Variants in SNN observed in about 807,000 individuals in gnomAD.
The protein encoded by SNN is stannin, also known as AG8_1.
Under a neutral mutation model 5.3 loss-of-function variants are expected in SNN, and 5 were observed. The ratio of observed to expected loss-of-function variants is 0.94; its 90% confidence interval spans 0.49 to 1.97. The LOEUF (loss-of-function observed/expected upper bound fraction) is 1.97, where lower values mean the gene tolerates loss of function less well. Among genes scored for constraint, SNN ranks in the 30% most tolerant of loss-of-function variants. The pLI, the probability that SNN is intolerant of heterozygous loss-of-function variation, is 0.01. For missense variants in SNN, 127 were observed against 121.6 expected, an observed-to-expected ratio of 1.04 and a Z score of -0.21; for synonymous variants, 67 against 52.1, an observed-to-expected ratio of 1.29 and a Z score of -1.24.
Position 11,671,913 on chromosome 16 carries a change from C to G in SNN, c.-86+3373C>G, listed in dbSNP as rs370258312. On this transcript the variant is annotated intron_variant, in intron 1 of 1. Transcript: ENST00000329565. The surrounding 1 kb of genome is among the most constrained non-coding windows in gnomAD (Gnocchi z 4.7). ...TGCCAGCAAGCATGGAGCCAGCTGC[C>G]CTTCCATGGGCTCAGGCCTGCCCTA... Among the ~76,000 whole-genome samples the G allele has an allele frequency of 6.6e-6, 1 of 152,200 alleles. No homozygotes were observed. The highest frequency in any genetic ancestry group is 2.4e-5 in the African/African-American group (1 of 41,460).
At chr16:11,673,513 G>A (rs909141554) in intron 1 of SNN, among the ~76,000 whole-genome samples, 2 of 152,218 alleles carry the variant, frequency 1.3e-5, no homozygotes, top group African/African-American at 4.8e-5. Flanking sequence ...GGCCATCTGC[G>A]TGGTGGGGGC....
rs2050263086 is a variant in SNN, at chr16:11,671,050, G to C, written c.-86+2510G>C. 6.6e-6 allele frequency among the ~76,000 whole-genome samples: 1 copy of C among 152,262 alleles called. No homozygotes were observed. The highest frequency in any genetic ancestry group is 2.4e-5 in the African/African-American group (1 of 41,470). ...GGCTGCTGGGGAGGAGTGGCCAAGG[G>C]CGGTGCAGGCCCCCGCTCACCTGGC... On this transcript the variant is annotated intron_variant, in intron 1 of 1. Transcript: ENST00000329565. This position sits in a 1 kb window ranked among gnomAD's most constrained non-coding sequence, Gnocchi z 4.7.
At chr16:11,675,417 G>A (rs2050294522) in intron 1 of SNN, among the ~76,000 whole-genome samples, 1 of 151,942 alleles carries the variant, frequency 6.6e-6, no homozygotes, top group Non-Finnish European at 1.5e-5. Context: ...ACACGCATGT[G>A]CCACCATGCC....
Position 11,672,915 on chromosome 16 carries a change from C to T in SNN, c.-85-3060C>T, listed in dbSNP as rs2050275294. On this transcript the variant is annotated intron_variant, in intron 1 of 1. Transcript: ENST00000329565. This position sits in a 1 kb window ranked among gnomAD's most constrained non-coding sequence, Gnocchi z 6.0. ...GCCCACCTGGCTTTGCCCCGCCTAT[C>T]CCAGGTCCTGGTGCCATTGTTTGAT... Among the ~76,000 whole-genome samples, 1 of 152,180 alleles carries T rather than the reference C, an allele frequency of 6.6e-6. No individual in the cohort carries two copies. The highest frequency in any genetic ancestry group is 1.5e-5 in the Non-Finnish European group (1 of 68,030).
chr16:11,676,082 C>A lies in SNN; in HGVS notation c.23C>A (p.Pro8His). 2 of 1,610,030 alleles carry A rather than the reference C, an allele frequency of 1.2e-6. No individual in the cohort carries two copies. The highest frequency in any genetic ancestry group is 1.1e-5 in the South Asian group (1 of 90,784). The change falls in exon 2 of 2, where the codon CCC becomes CAC. Residue 8 changes from proline to histidine, a missense_variant. By Grantham distance (77) the Pro-to-His change is moderately conservative (BLOSUM62 -2). Coordinates refer to ENST00000329565, the MANE Select transcript of SNN (RefSeq NM_003498.6). ...ACCATGTCTATTATGGACCACAGCC[C>A]CACCACGGGCGTGGTCACAGTCATC... is the stretch of plus-strand genomic sequence containing the variant. Reference protein sequence around the residue: MSIMDHSPTTGVVTVIVI... With the variant: MSIMDHSHTTGVVTVIVI...
rs1346607998 is a variant in SNN at position 11,679,039 on chromosome 16, G to C, written c.*2713G>C. ...CCAAGTTTGTGCAATAAGTGGAAGG[G>C]ATGTCATCCTTCTTCAATAAATGCT... is the stretch of plus-strand genomic sequence containing the variant. On this transcript the variant is annotated 3_prime_UTR_variant, in exon 2 of 2. Transcript: ENST00000329565. This position sits in a 1 kb window ranked among gnomAD's most constrained non-coding sequence, Gnocchi z 4.6. 4 of 781,130 alleles carry C rather than the reference G, an allele frequency of 5.1e-6. No homozygotes were observed. The Admixed American group carries it at 1.2e-4, about 23-fold the overall frequency. The allele number at this position is 781,130 out of a possible 1,614,324, so 48.4% of individuals were successfully genotyped here.
In SNN at chr16:11,676,724, G is replaced by A. The variant is rs1490718668; in HGVS notation, c.*398G>A. ...CTGATTTTTAAAAATATCATCTAGC[G>A]CACACGGGACTGGTATTCTGGCTGT... On this transcript the variant is annotated 3_prime_UTR_variant, in exon 2 of 2. Coordinates refer to ENST00000329565, the MANE Select transcript of SNN (RefSeq NM_003498.6). 9.5e-6 allele frequency: 2 copies of A among 209,882 alleles called. No homozygotes were observed. Among genetic ancestry groups the A allele is most frequent in the East Asian group, 1.2e-4 (1 of 8,494 alleles). The allele number at this position is 209,882 out of a possible 1,614,324, so 13.0% of individuals were successfully genotyped here.
In SNN at chr16:11,677,904, C is replaced by A. The variant is rs1191619027; in HGVS notation, c.*1578C>A. On this transcript the variant is annotated 3_prime_UTR_variant, in exon 2 of 2. Coordinates refer to ENST00000329565, the MANE Select transcript of SNN (RefSeq NM_003498.6). This position sits in a 1 kb window ranked among gnomAD's most constrained non-coding sequence, Gnocchi z 4.2. The stretch of plus-strand genomic sequence containing the variant: ...CTAAAAACCATGTTGAATGAATCCA[C>A]GTTCTGGAACCCCGAGGCGGGAGAA... The A allele has an allele frequency of 6.0e-6, 1 of 167,164 alleles. No homozygotes were observed. Among genetic ancestry groups the A allele is most frequent in the Non-Finnish European group, 1.5e-5 (1 of 68,174 alleles). The allele number at this position is 167,164 out of a possible 1,614,324, so 10.4% of individuals were successfully genotyped here.
At position 11,676,693 on chromosome 16, in the gene SNN, C is replaced by T. The variant is rs1182327619; in HGVS notation, c.*367C>T. ...GCCCCTGGAAGCACGTGCTTAAGCC[C>T]TTTTGCTGATTTTTAAAAATATCAT... On this transcript the variant is annotated 3_prime_UTR_variant, in exon 2 of 2. Transcript: ENST00000329565. 7 of 243,798 alleles carry T rather than the reference C, an allele frequency of 2.9e-5. No individual in the cohort carries two copies. The highest frequency in any genetic ancestry group is 1.5e-4 in the African/African-American group (7 of 45,250). 15.1% of individuals were successfully genotyped at this position (243,798 alleles called of 1,614,324 possible).
intron 1 of SNN, among the ~76,000 whole-genome samples, chr16:11,669,077 G>C (rs1407324022): frequency 6.6e-6 from 1 of 152,160 alleles, no homozygotes; most frequent in South Asian, 2.1e-4. Context: ...CGCCTCCGTC[G>C]GGCCGATTCG....
Position 11,671,642 on chromosome 16 carries a change from C to T in SNN, c.-86+3102C>T, listed in dbSNP as rs1165858215. Among the ~76,000 whole-genome samples the T allele has an allele frequency of 1.3e-5, 2 of 152,160 alleles. No homozygotes were observed. Among genetic ancestry groups the T allele is most frequent in the African/African-American group, 4.8e-5 (2 of 41,428 alleles). On this transcript the variant is annotated intron_variant, in intron 1 of 1. Coordinates refer to ENST00000329565, the MANE Select transcript of SNN (RefSeq NM_003498.6). This position sits in a 1 kb window ranked among gnomAD's most constrained non-coding sequence, Gnocchi z 4.7. ...TGGTTGTTGGGTGGGCCAGGATTCC[C>T]ATGTGCCAGCCTGGGCATCTCCCCA...
intron 1 of SNN, among the ~76,000 whole-genome samples, chr16:11,673,170 G>A (rs2050276917): frequency 6.6e-6 from 1 of 152,128 alleles, no homozygotes; most frequent in Non-Finnish European, 1.5e-5. Flanking sequence ...AGTGTAGACA[G>A]GCTCACCCAG....
In SNN at chr16:11,678,954, G is replaced by A. The variant is rs903564361; in HGVS notation, c.*2628G>A. The A allele has an allele frequency of 1.9e-6, 1 of 518,882 alleles. No individual in the cohort carries two copies. The highest frequency in any genetic ancestry group is 3.7e-5 in the East Asian group (1 of 26,840). 32.1% of individuals were successfully genotyped at this position (518,882 alleles called of 1,614,324 possible). A position where few individuals can be genotyped will look rare whatever the true frequency, so the allele number is the denominator to read the frequency against. ...TCTTGACACTGAGCCACTAAAATAT[G>A]GACTAATTTTTTGGACAAATCTTCA... On this transcript the variant is annotated 3_prime_UTR_variant, in exon 2 of 2. Transcript: ENST00000329565.
At chr16:11,669,138 A>T (rs2050248843) in intron 1 of SNN, among the ~76,000 whole-genome samples, 1 of 152,080 alleles carries the variant, frequency 6.6e-6, no homozygotes, top group African/African-American at 2.4e-5. Context: ...CCCTGGGCCG[A>T]GCCCCCTCCT....
At chr16:11,675,914 G>A (rs1266472260) in intron 1 of SNN, 61 bp from the exon 2 acceptor site, 14 of 861,000 alleles carry the variant, frequency 1.6e-5, no homozygotes, top group African/African-American at 3.4e-5. Flanking sequence ...GTCTGAGAAC[G>A]ATTAAAAATA....
At position 11,668,738 on chromosome 16, in the gene SNN, T is replaced by C. The variant is rs1369899098; in HGVS notation, c.-86+198T>C. ...CAGGGGCCGCGCCCGCGGGCTGGGG[T>C]TCTTTGTCAGCGGCGCTGCGGCGAG... On this transcript the variant is annotated intron_variant, in intron 1 of 1. Coordinates refer to ENST00000329565, the MANE Select transcript of SNN (RefSeq NM_003498.6). The surrounding 1 kb of genome is among the most constrained non-coding windows in gnomAD (Gnocchi z 6.8). 6.9e-6 allele frequency among the ~76,000 whole-genome samples: 1 copy of C among 145,788 alleles called. No homozygotes were observed. The highest frequency in any genetic ancestry group is 1.5e-5 in the Non-Finnish European group (1 of 66,002).
rs976427432 is a variant in SNN at position 11,678,269 on chromosome 16, T to A, written c.*1943T>A. On this transcript the variant is annotated 3_prime_UTR_variant, in exon 2 of 2. Coordinates refer to ENST00000329565, the MANE Select transcript of SNN (RefSeq NM_003498.6). ...GCCGACTGGAAGAAGGGGGTAAAAG[T>A]TTGCTTTGGTGAGTGAGAAAAGGCT... 1 of 167,002 alleles carries A rather than the reference T, an allele frequency of 6.0e-6. No homozygotes were observed. Among genetic ancestry groups the A allele is most frequent in the African/African-American group, 2.4e-5 (1 of 41,382 alleles). The allele number at this position is 167,002 out of a possible 1,614,324, so 10.3% of individuals were successfully genotyped here.
In SNN at chr16:11,672,762, G is replaced by A. The variant is rs1241888450; in HGVS notation, c.-85-3213G>A. 2.0e-5 allele frequency among the ~76,000 whole-genome samples: 3 copies of A among 151,874 alleles called. No homozygotes were observed. The highest frequency in any genetic ancestry group is 2.9e-5 in the Non-Finnish European group (2 of 67,938). ...CTGGCCTGGGTTCAGGGCAGCAGAC[G>A]GGGTTTTGGGGTCACCACTCCTCTT... On this transcript the variant is annotated intron_variant, in intron 1 of 1. Transcript: ENST00000329565. The surrounding 1 kb of genome is among the most constrained non-coding windows in gnomAD (Gnocchi z 6.0).
intron 1 of SNN, among the ~76,000 whole-genome samples, chr16:11,675,666 G>C (rs780656992): frequency 6.6e-6 from 1 of 152,176 alleles, no homozygotes; most frequent in East Asian, 1.9e-4. Flanking sequence ...TGGGCTTCCC[G>C]AAGGCACACC....
Sources: allele counts gnomAD v4.1 joint callset (sites outside exome capture counted in the v4.1 genomes callset), GRCh38; gene constraint gnomAD v4.1.1; non-coding constraint Gnocchi (gnomAD v3.1); transcripts MANE v1.5; gene names NCBI Gene and HGNC (gene_info 2026-07-23, HGNC 2026-07-21).